The following ZNF808 variants were observed in gnomAD, a reference collection of about 807,000 sequenced individuals.
ZNF808 encodes zinc finger protein 808.
A neutral mutation model predicts 8.7 loss-of-function variants in ZNF808; 5 were observed. That is an observed-to-expected ratio of 0.58 (90% CI 0.30 to 1.21). The LOEUF (loss-of-function observed/expected upper bound fraction) is 1.21, where lower values mean the gene tolerates loss of function less well. Ranked by LOEUF, ZNF808 falls within the 50% of genes most tolerant of loss-of-function variation. The pLI, the probability that ZNF808 is intolerant of heterozygous loss-of-function variation, is 0.07. For synonymous variants in ZNF808, 380 were observed against 366.0 expected, an observed-to-expected ratio of 1.04 and a Z score of -0.44; for missense variants, 1,103 against 1,098.4, an observed-to-expected ratio of 1.00 and a Z score of -0.06.
downstream of ZNF808, among the ~76,000 whole-genome samples, chr19:52,558,046 A>G (rs1298873250): frequency 1.5e-3 from 44 of 29,854 alleles, no homozygotes; most frequent in East Asian, 3.1e-3. Context: ...TTTTTTTTTG[A>G]GGGTAGGAGT....
At chr19:52,551,254 A>C (rs1181120647) in intron 4 of ZNF808, among the ~76,000 whole-genome samples, 1 of 151,980 alleles carries the variant, frequency 6.6e-6, no homozygotes, top group Non-Finnish European at 1.5e-5. Context: ...TGTGAGGCTG[A>C]GACAGGAGAG....
At chr19:52,545,543 G>T (rs1162559994) in intron 3 of ZNF808, among the ~76,000 whole-genome samples, 2 of 152,176 alleles carry the variant, frequency 1.3e-5, no homozygotes, top group Non-Finnish European at 2.9e-5. Context: ...ACTATGGAAG[G>T]CTGAGGTGGG....
downstream of ZNF808, among the ~76,000 whole-genome samples, chr19:52,560,145 G>A (rs1254031741): frequency 6.6e-6 from 1 of 151,986 alleles, no homozygotes; most frequent in Non-Finnish European, 1.5e-5. Context: ...ATCAGCCTGG[G>A]CAAAATGGTG....
intron 3 of ZNF808, among the ~76,000 whole-genome samples, chr19:52,545,580 C>G (rs1201050707): frequency 3.3e-5 from 5 of 152,038 alleles, no homozygotes; most frequent in Non-Finnish European, 7.4e-5. Context: ...GAGTTCAAGA[C>G]CATCCTGGCT....
At chr19:52,541,345 A>T (rs2059668787) in intron 2 of ZNF808, among the ~76,000 whole-genome samples, 1 of 151,310 alleles carries the variant, frequency 6.6e-6, no homozygotes, top group East Asian at 1.9e-4. Context: ...CTAGTTAGGT[A>T]TTACAAGGGT....
chr19:52,530,774 A>C (rs2059555039), intron 1 of ZNF808, among the ~76,000 whole-genome samples: 1 of 152,138 alleles, frequency 6.6e-6, no homozygotes, highest in South Asian at 2.1e-4. Flanking sequence ...GGAGCTCGAG[A>C]CCAACCTGGC....
chr19:52,555,276 G>A lies in ZNF808; in HGVS notation c.2360G>A (p.Gly787Glu). 6.2e-7 allele frequency: 1 copy of A among 1,614,096 alleles called. No homozygotes were observed. The highest frequency in any genetic ancestry group is 8.5e-7 in the Non-Finnish European group (1 of 1,180,014). ...SLVYHRRLHT[G>E]EKSYKCTVCD... Reference sequence around the variant, plus strand: ...GTATACCATCGTAGACTTCATACTGGAGAGAAATCTTACAAATGTACGGTT... The same window carrying A: ...GTATACCATCGTAGACTTCATACTGAAGAGAAATCTTACAAATGTACGGTT... Residue 787 changes from glycine (G) to glutamate (E), a missense_variant, in exon 5 of 5, where the codon GGA becomes GAA. Gly to Glu is a moderately conservative substitution (Grantham distance 98, BLOSUM62 -2). Transcript: ENST00000359798.
exon 4 of ZNF808, chr19:52,564,310 A>G: frequency 3.1e-6 from 2 of 639,042 alleles, no homozygotes; most frequent in South Asian, 1.8e-5. Context: ...AAATGTCACT[A>G]CCATCTGGAG....
intron 4 of ZNF808, among the ~76,000 whole-genome samples, chr19:52,549,851 A>G (rs965524066): frequency 1.3e-5 from 2 of 152,106 alleles, no homozygotes; most frequent in African/African-American, 2.4e-5. Context: ...GAGTAAGTCA[A>G]GACCTTGTTC....
At chr19:52,558,096 T>A (rs1191331329), downstream of ZNF808, among the ~76,000 whole-genome samples, 3 of 147,852 alleles carry the variant, frequency 2.0e-5, no homozygotes, top group Non-Finnish European at 1.5e-5. Flanking sequence ...TCTTTTTTTT[T>A]TTTTTTTGAG....
intron 1 of ZNF808, among the ~76,000 whole-genome samples, chr19:52,529,892 C>CAT (rs536138507): frequency 0.018 from 2,608 of 141,916 alleles, 36 homozygotes; most frequent in Middle Eastern, 0.04. Flanking sequence ...AGCTAGTTTA[C>CAT]ATATATATAT....
intron 4 of ZNF808, among the ~76,000 whole-genome samples, chr19:52,551,400 G>C (rs1346824974): frequency 6.6e-6 from 1 of 150,614 alleles, no homozygotes; most frequent in Non-Finnish European, 1.5e-5. Context: ...GCATGTGTCT[G>C]TACTCCCTGC....
Position 52,543,353 on chromosome 19 carries a change from G to T in ZNF808, c.63+6G>T, listed in dbSNP as rs777125504. 3 of 1,612,474 alleles carry T rather than the reference G, an allele frequency of 1.9e-6. No individual in the cohort carries two copies. The highest frequency in any genetic ancestry group is 2.5e-6 in the Non-Finnish European group (3 of 1,179,692). On this transcript the variant is annotated splice_donor_region_variant and intron_variant, in intron 3 of 4. Transcript: ENST00000359798. ...CAGGCATGGCTCTTCCTCAGGTGAA[G>T]TGATATTCCTCTGTGGATTAATCTG...
chr19:52,538,619 A>T (rs368163399), intron 2 of ZNF808, among the ~76,000 whole-genome samples: 14,921 of 112,394 alleles, frequency 0.13, 3 homozygotes, highest in Admixed American at 0.17. Context: ...TAAGAGCGAA[A>T]CTCTGTCTCA....
downstream of ZNF808, among the ~76,000 whole-genome samples, chr19:52,558,174 C>T (rs2059845004): frequency 6.7e-6 from 1 of 150,256 alleles, no homozygotes; most frequent in African/African-American, 2.5e-5. Flanking sequence ...CAAGCTCCGC[C>T]TCCTGGGTTC....
At chr19:52,540,750 C>CATTT (rs1375655896) in intron 2 of ZNF808, among the ~76,000 whole-genome samples, 2 of 152,140 alleles carry the variant, frequency 1.3e-5, no homozygotes, top group African/African-American at 4.8e-5. Context: ...TTGAGAAAAG[C>CATTT]ATTTGCTCAG....
intron 3 of ZNF808, among the ~76,000 whole-genome samples, chr19:52,545,707 G>C (rs1213339858): frequency 6.6e-6 from 1 of 152,002 alleles, no homozygotes; most frequent in Non-Finnish European, 1.5e-5. Context: ...GAACCTGGGT[G>C]GCACAGGTTG....
downstream of ZNF808, among the ~76,000 whole-genome samples, chr19:52,561,204 CTCTCTCTCTATATATA>C (rs1229332219): frequency 8.8e-3 from 342 of 39,080 alleles, no homozygotes; most frequent in African/African-American, 0.014. Context: ...CTCTCTCTCT[CTCTCTCTCTATATATA>C]TATATATATA....
rs1361574634 is a variant in ZNF808, at chr19:52,555,599, G to A, written c.2683G>A (p.Ala895Thr). Residue 895 changes from alanine to threonine, a missense_variant, in exon 5 of 5, where the codon GCA becomes ACA. By Grantham distance (58) the Ala-to-Thr change is moderately conservative. Transcript: ENST00000359798. ...SDRSTLIHHQ[A>T]IHGIGKFD ...CCGGTCAACACTTATTCACCATCAG[G>A]CAATTCATGGTATAGGGAAATTTGA... 2 of 1,607,132 alleles carry A rather than the reference G, an allele frequency of 1.2e-6. No individual in the cohort carries two copies. Among genetic ancestry groups the A allele is most frequent in the Admixed American group, 3.4e-5 (2 of 59,344 alleles).
Sources: allele counts gnomAD v4.1 joint callset (sites outside exome capture counted in the v4.1 genomes callset), GRCh38; gene constraint gnomAD v4.1.1; transcripts MANE v1.5; gene names NCBI Gene and HGNC (gene_info 2026-07-23, HGNC 2026-07-21).